SMC6: variants seen among roughly 807,000 people sequenced by gnomAD.
SMC6 encodes structural maintenance of chromosomes 6.
In SMC6, 79 loss-of-function variants were observed where a neutral mutation model predicts 142.2. That is an observed-to-expected ratio of 0.56 (90% CI 0.46 to 0.67). The LOEUF (loss-of-function observed/expected upper bound fraction) is 0.67, where lower values mean the gene tolerates loss of function less well. Ranked by LOEUF, SMC6 falls within the 30% of genes least tolerant of loss-of-function variation. SMC6 has a pLI of 0.00. For missense variants in SMC6, 1,072 were observed against 1,284.0 expected, an observed-to-expected ratio of 0.83 and a Z score of 2.52; for synonymous variants, 411 against 412.4, an observed-to-expected ratio of 1.00 and a Z score of 0.04.
intron 11 of SMC6, among the ~76,000 whole-genome samples, chr2:17,720,466 C>T (rs1669314150): frequency 6.6e-6 from 1 of 152,174 alleles, no homozygotes. Flanking sequence ...TCTGACATGC[C>T]ATCTTGGTTC....
At chr2:17,668,976 G>C (rs1044493337) in intron 26 of SMC6, among the ~76,000 whole-genome samples, 3 of 152,132 alleles carry the variant, frequency 2.0e-5, no homozygotes, top group Admixed American at 2.0e-4. Context: ...ACCGAAGAAG[G>C]AGCCACATGC....
In SMC6 at chr2:17,715,968, T is replaced by A. The variant is rs1469712607; in HGVS notation, c.1525+118A>T. ...ATATAAAACGAAAGCTACAAAGCTT[T>A]ATATAATTTCATTATTTTAAATGAA... On this transcript the variant is annotated intron_variant, in intron 15 of 27. Coordinates refer to ENST00000448223, the MANE Select transcript of SMC6 (RefSeq NM_001142286.2). 5 of 876,536 alleles carry A rather than the reference T, an allele frequency of 5.7e-6. No individual in the cohort carries two copies. In the East Asian group the frequency reaches 1.6e-4, roughly 28 times the overall value. The allele number at this position is 876,536 out of a possible 1,614,324, so 54.3% of individuals were successfully genotyped here.
chr2:17,721,937 A>C (rs1032269324), intron 9 of SMC6, among the ~76,000 whole-genome samples: 1 of 152,150 alleles, frequency 6.6e-6, no homozygotes, highest in African/African-American at 2.4e-5. Context: ...AATTAATTAA[A>C]AATATCAAAT....
At chr2:17,736,651 G>A (rs1235843852) in intron 5 of SMC6, among the ~76,000 whole-genome samples, 2 of 151,314 alleles carry the variant, frequency 1.3e-5, no homozygotes, top group African/African-American at 4.9e-5. Flanking sequence ...AAAGCAGGTA[G>A]ATCACTTGAG....
At chr2:17,730,593 T>C (rs2125043589) in intron 7 of SMC6, among the ~76,000 whole-genome samples, 1 of 147,666 alleles carries the variant, frequency 6.8e-6, no homozygotes. Flanking sequence ...CTGTGTTGAA[T>C]TAATAAATTC....
rs756153384 is a variant in SMC6 at position 17,718,223 on chromosome 2, C to A, written c.946G>T (p.Val316Phe). 1 of 1,575,382 alleles carries A rather than the reference C, an allele frequency of 6.3e-7. No homozygotes were observed. Among genetic ancestry groups the A allele is most frequent in the Non-Finnish European group, 8.6e-7 (1 of 1,164,170 alleles). ...RLDRKMEEQQ[V>F]RLNEAEQKYK... ...TTTTGTTCTGCCTCATTAAGTCTGA[C>A]CTTTAAGAAAATAACATTATTGAAG... The change falls in exon 12 of 28, where the codon GTC becomes TTC. Residue 316 changes from valine to phenylalanine, a missense_variant and splice_region_variant. This residue lies in a region of SMC6 where 994 missense variants were observed against 1,153.2 expected (regional missense o/e 0.86). Coordinates refer to ENST00000448223, the MANE Select transcript of SMC6 (RefSeq NM_001142286.2).
chr2:17,711,722 G>C (rs1037232236), intron 16 of SMC6, among the ~76,000 whole-genome samples: 4 of 152,100 alleles, frequency 2.6e-5, no homozygotes, highest in Middle Eastern at 3.2e-3. Context: ...GGGCTCCAGT[G>C]ATCCTCCCAC....
intron 9 of SMC6, among the ~76,000 whole-genome samples, chr2:17,721,509 G>A (rs1395289778): frequency 1.3e-5 from 2 of 151,992 alleles, no homozygotes; most frequent in African/African-American, 2.4e-5. Flanking sequence ...GGAATTAAAG[G>A]TTCAAGACTA....
chr2:17,745,487 C>T (rs1670700910), intron 3 of SMC6, among the ~76,000 whole-genome samples: 1 of 152,120 alleles, frequency 6.6e-6, no homozygotes, highest in Non-Finnish European at 1.5e-5. Flanking sequence ...TGTAGAGTTG[C>T]TAACTGTATT....
At position 17,753,773 on chromosome 2, in the gene SMC6, G is replaced by A. The variant is rs990484790; in HGVS notation, c.-240C>T. The A allele has an allele frequency of 6.6e-6, 1 of 152,274 alleles. No homozygotes were observed. Among genetic ancestry groups the A allele is most frequent in the African/African-American group, 2.4e-5 (1 of 41,468 alleles). The allele number at this position is 152,274 out of a possible 1,614,324, so 9.4% of individuals were successfully genotyped here. A position where few individuals can be genotyped will look rare whatever the true frequency, so the allele number is the denominator to read the frequency against. ...CGCGTGCCGGCCGCAGGAGAAGGTA[G>A]ATTCCCGGGAGCCCCGGCGCCCACC... is the stretch of plus-strand genomic sequence containing the variant. On this transcript the variant is annotated 5_prime_UTR_variant, in exon 1 of 28. Transcript: ENST00000448223.
At chr2:17,668,746 G>A (rs1046151375) in intron 26 of SMC6, among the ~76,000 whole-genome samples, 2 of 152,086 alleles carry the variant, frequency 1.3e-5, no homozygotes, top group African/African-American at 2.4e-5. Flanking sequence ...TGTGATTAAG[G>A]AGGGCATACC....
intron 15 of SMC6, among the ~76,000 whole-genome samples, chr2:17,715,355 G>T (rs374459167): frequency 5.3e-5 from 8 of 151,776 alleles, no homozygotes; most frequent in South Asian, 2.1e-4. Context: ...GTAAATCAAC[G>T]GTGGCTTTTC....
chr2:17,743,086 A>G (rs1670558592), intron 3 of SMC6, among the ~76,000 whole-genome samples: 1 of 152,214 alleles, frequency 6.6e-6, no homozygotes, highest in Admixed American at 6.5e-5. Context: ...TGTTGCCTAT[A>G]TCGGTAGTTC....
intron 21 of SMC6, among the ~76,000 whole-genome samples, chr2:17,699,726 A>G (rs540348202): frequency 4.5e-4 from 68 of 152,276 alleles, no homozygotes; most frequent in African/African-American, 1.6e-3. Flanking sequence ...TTCATGGTCA[A>G]TTTTGTCTCA....
At chr2:17,679,065 G>A in intron 24 of SMC6, 101 bp from the exon 25 acceptor site, 1 of 712,822 alleles carries the variant, frequency 1.4e-6, no homozygotes, top group South Asian at 2.4e-5. Context: ...ATGGAAATAT[G>A]CCAAAATGTA....
At chr2:17,710,662 G>T (rs1252462576) in intron 16 of SMC6, among the ~76,000 whole-genome samples, 1 of 152,158 alleles carries the variant, frequency 6.6e-6, no homozygotes, top group African/African-American at 2.4e-5. Flanking sequence ...CAGGAAGAAT[G>T]AAAGGATCAA....
chr2:17,693,373 T>C (rs1667825052), intron 23 of SMC6, among the ~76,000 whole-genome samples: 1 of 152,054 alleles, frequency 6.6e-6, no homozygotes, highest in Non-Finnish European at 1.5e-5. Context: ...CCATAAAAAA[T>C]GACGAGTTCA....
intron 25 of SMC6, among the ~76,000 whole-genome samples, chr2:17,676,203 T>C (rs1461449140): frequency 6.6e-6 from 1 of 152,192 alleles, no homozygotes; most frequent in African/African-American, 2.4e-5. Flanking sequence ...CAATTCTGTA[T>C]TGAAATTGTG....
intron 5 of SMC6, 128 bp downstream of exon 5, chr2:17,738,093 A>T (rs1670244924): frequency 1.6e-6 from 1 of 632,130 alleles, no homozygotes. Context: ...GAATGAAAAA[A>T]TAGGACACCT....
Sources: gnomAD v4.1 joint callset for allele counts (sites outside exome capture counted in the v4.1 genomes callset) on GRCh38, gnomAD v4.1.1 for gene constraint, gnomAD v4.1.1 regional missense constraint, MANE v1.5 for transcripts, NCBI Gene and HGNC (gene_info 2026-07-23, HGNC 2026-07-21) for gene names.